LDLRAD4: variants seen among roughly 807,000 people sequenced by gnomAD.
The protein encoded by LDLRAD4 is low-density lipoprotein receptor class A domain-containing protein 4.
In LDLRAD4, 5 loss-of-function variants were observed where a neutral mutation model predicts 17.0. The ratio of observed to expected loss-of-function variants is 0.29; its 90% CI spans 0.15 to 0.62. The LOEUF (loss-of-function observed/expected upper bound fraction) is 0.62, where lower values mean the gene tolerates loss of function less well. Ranked by LOEUF, LDLRAD4 falls within the 20% of genes least tolerant of loss-of-function variation. LDLRAD4 has a pLI of 0.84. For missense variants in LDLRAD4, 340 were observed against 424.7 expected (o/e 0.80, Z 1.75); for synonymous variants, 168 against 171.8 (o/e 0.98, Z 0.17).
chr18:13,408,300 C>T (rs1455350195), intron 2 of LDLRAD4, among the ~76,000 whole-genome samples: 1 of 145,698 alleles, frequency 6.9e-6, no homozygotes, highest in Non-Finnish European at 1.5e-5. Flanking sequence ...CTTGTGACTT[C>T]AAGTTTGAGG....
At chr18:13,453,431 G>A (rs901210674) in intron 3 of LDLRAD4, among the ~76,000 whole-genome samples, 8 of 152,078 alleles carry the variant, frequency 5.3e-5, no homozygotes, top group Admixed American at 3.3e-4. Context: ...CAGCAGCTCC[G>A]CTACTCCGTA....
chr18:13,370,207 C>G (rs187661861), intron 1 of LDLRAD4, among the ~76,000 whole-genome samples: 11 of 152,360 alleles, frequency 7.2e-5, no homozygotes, highest in Non-Finnish European at 2.9e-5. Flanking sequence ...CACCACTGCA[C>G]AGAAGTTTCT....
At chr18:13,595,945 T>TATC (rs2095090196) in intron 3 of LDLRAD4, among the ~76,000 whole-genome samples, 1 of 152,250 alleles carries the variant, frequency 6.6e-6, no homozygotes, top group Admixed American at 6.5e-5. Context: ...CTTGTTGTTT[T>TATC]ATCTATTATT....
At chr18:13,342,085 C>G (rs2082401923) in intron 1 of LDLRAD4, among the ~76,000 whole-genome samples, 1 of 152,040 alleles carries the variant, frequency 6.6e-6, no homozygotes, top group South Asian at 2.1e-4. Flanking sequence ...GAATAAATTT[C>G]CCTTGATCGT....
intron 1 of LDLRAD4, among the ~76,000 whole-genome samples, chr18:13,260,288 G>A (rs2043743874): frequency 6.6e-6 from 1 of 152,200 alleles, no homozygotes; most frequent in South Asian, 2.1e-4. Flanking sequence ...CCTGCATAGA[G>A]CCTGTTCCCT....
intron 1 of LDLRAD4, among the ~76,000 whole-genome samples, chr18:13,236,946 A>G (rs1375666133): frequency 6.6e-6 from 1 of 152,170 alleles, no homozygotes; most frequent in African/African-American, 2.4e-5. Context: ...GTAACATTCC[A>G]TAAGGGACTG....
At chr18:13,419,425 A>G (rs924669410) in intron 2 of LDLRAD4, 7 of 152,068 alleles carry the variant, frequency 4.6e-5, no homozygotes, top group African/African-American at 1.2e-4. Flanking sequence ...TTTTTTAGAG[A>G]CAATCTTGCT....
intron 2 of LDLRAD4, among the ~76,000 whole-genome samples, chr18:13,409,906 T>C (rs919082395): frequency 6.6e-6 from 1 of 152,054 alleles, no homozygotes; most frequent in Non-Finnish European, 1.5e-5. Flanking sequence ...AAGAAAATAG[T>C]AGGTTTAGAG....
rs139700709 is a variant in LDLRAD4 at position 13,437,840 on chromosome 18, C to T, written c.41-404C>T. On this transcript the variant is annotated intron_variant, in intron 2 of 5. Transcript: ENST00000359446. ...TCCTGAGTTCTGATGGCCCCTGCCA[C>T]GGCTGGCTGCACGGGCTCCCCCATT... 2.0e-3 allele frequency among the ~76,000 whole-genome samples: 304 copies of T among 152,360 alleles called. 2 individuals are homozygous for T. The highest frequency in any genetic ancestry group is 7.0e-3 in the African/African-American group (290 of 41,582).
chr18:13,340,220 C>G (rs542473050), intron 1 of LDLRAD4, among the ~76,000 whole-genome samples: 82 of 152,280 alleles, frequency 5.4e-4, no homozygotes, highest in Admixed American at 1.8e-3. Flanking sequence ...AATAATGCTG[C>G]TATGAACATT....
intron 1 of LDLRAD4, among the ~76,000 whole-genome samples, chr18:13,225,421 A>G (rs555976685): frequency 6.6e-6 from 1 of 152,340 alleles, no homozygotes; most frequent in African/African-American, 2.4e-5. Context: ...GGTGTCCCAC[A>G]TGTTGCAGGG....
At position 13,505,876 on chromosome 18, in the gene LDLRAD4, C is replaced by G. The variant is rs191480446; in HGVS notation, c.181+67492C>G. On this transcript the variant is annotated intron_variant, in intron 3 of 5. Transcript: ENST00000359446. ...TAGCAACCTTGAGAATGGAAGCATG[C>G]TGTTTCTTGGTGAGACTGATCCCTA... is the stretch of plus-strand genomic sequence containing the variant. Among the ~76,000 whole-genome samples, 69 of 152,208 alleles carry G rather than the reference C, an allele frequency of 4.5e-4. 2 individuals are homozygous for G. Among genetic ancestry groups the G allele is most frequent in the Middle Eastern group, 6.8e-3 (2 of 294 alleles).
chr18:13,627,661 G>A (rs562131563), intron 4 of LDLRAD4, among the ~76,000 whole-genome samples: 151 of 152,330 alleles, frequency 9.9e-4, no homozygotes, highest in African/African-American at 3.3e-3. Context: ...AGTGCTGTGC[G>A]TGTCCTGTGC....
chr18:13,532,573 T>A (rs990529600), intron 3 of LDLRAD4, among the ~76,000 whole-genome samples: 1 of 152,162 alleles, frequency 6.6e-6, no homozygotes, highest in Non-Finnish European at 1.5e-5. Context: ...GGCATTGACA[T>A]TTGTCTAAGG....
chr18:13,245,812 C>G (rs73417361), intron 1 of LDLRAD4, among the ~76,000 whole-genome samples: 6,916 of 152,300 alleles, frequency 0.045, 405 homozygotes, highest in East Asian at 0.32. Context: ...GCTGGCTGTT[C>G]TCCAGCCTCT....
chr18:13,265,153 T>C (rs1364006774), intron 1 of LDLRAD4, among the ~76,000 whole-genome samples: 1 of 152,180 alleles, frequency 6.6e-6, no homozygotes, highest in African/African-American at 2.4e-5. Flanking sequence ...TCAACATTTC[T>C]TGCCTGGACT....
intron 1 of LDLRAD4, among the ~76,000 whole-genome samples, chr18:13,223,595 C>T (rs2041585557): frequency 6.6e-6 from 1 of 152,208 alleles, no homozygotes; most frequent in Admixed American, 6.5e-5. Context: ...GAAAGTCTCT[C>T]TGCTTCCGAA....
chr18:13,570,304 C>T (rs2094670778), intron 3 of LDLRAD4, among the ~76,000 whole-genome samples: 1 of 152,160 alleles, frequency 6.6e-6, no homozygotes, highest in Non-Finnish European at 1.5e-5. Flanking sequence ...CTCAAGATGC[C>T]ACTACCTGGC....
intron 1 of LDLRAD4, among the ~76,000 whole-genome samples, chr18:13,340,911 G>A (rs1457939464): frequency 3.3e-5 from 5 of 151,976 alleles, no homozygotes; most frequent in Non-Finnish European, 5.9e-5. Context: ...TTTATGTATG[G>A]TGTAGGACAA....
Sources: gnomAD v4.1 joint callset for allele counts (sites outside exome capture counted in the v4.1 genomes callset) on GRCh38, gnomAD v4.1.1 for gene constraint, MANE v1.5 for transcripts, NCBI Gene and HGNC (gene_info 2026-07-23, HGNC 2026-07-21) for gene names.